USP13: variants seen among roughly 807,000 people sequenced by gnomAD.
The protein encoded by USP13 is ubiquitin carboxyl-terminal hydrolase 13.
A neutral mutation model predicts 107.8 loss-of-function variants in USP13; 68 were observed. The observed-to-expected ratio is 0.63, with a 90% CI of 0.52 to 0.77. The LOEUF (loss-of-function observed/expected upper bound fraction) is 0.77. Among genes scored for constraint, USP13 ranks in the 30% least tolerant of loss-of-function variants. The pLI, the probability that USP13 is intolerant of heterozygous loss-of-function variation, is 0.00. For missense variants in USP13, 945 were observed against 1,093.3 expected (o/e 0.86, Z 1.91); for synonymous variants, 377 against 389.5 (o/e 0.97, Z 0.38).
intron 15 of USP13, among the ~76,000 whole-genome samples, chr3:179,755,348 G>A (rs1376259207): frequency 6.6e-6 from 1 of 151,926 alleles, no homozygotes; most frequent in African/African-American, 2.4e-5. Flanking sequence ...AGGCTGGAGT[G>A]CAGTGGCACG....
chr3:179,739,519 G>A (rs1407763680), intron 10 of USP13, among the ~76,000 whole-genome samples: 1 of 152,164 alleles, frequency 6.6e-6, no homozygotes, highest in African/African-American at 2.4e-5. Context: ...GAAGGGAAGG[G>A]GAGATGCTGC....
At chr3:179,722,749 A>G (rs1713369758) in intron 8 of USP13, among the ~76,000 whole-genome samples, 1 of 152,166 alleles carries the variant, frequency 6.6e-6, no homozygotes, top group African/African-American at 2.4e-5. Flanking sequence ...TTCTACTTAT[A>G]CTTTTTTACC....
rs567961452 is a variant in USP13, at chr3:179,677,719, C to T, written c.169-4159C>T. Among the ~76,000 whole-genome samples the T allele has an allele frequency of 3.3e-5, 5 of 152,088 alleles. No individual in the cohort carries two copies. The South Asian group carries it at 1.0e-3, about 31-fold the overall frequency. On this transcript the variant is annotated intron_variant, in intron 1 of 20. Coordinates refer to ENST00000263966, the MANE Select transcript of USP13 (RefSeq NM_003940.3). ...GGATATAGAGTATTTCTATATTTTT[C>T]TTTAGAAAAATACTGTCCTTGAACA...
At chr3:179,705,240 G>A (rs1456372234) in intron 4 of USP13, among the ~76,000 whole-genome samples, 2 of 152,124 alleles carry the variant, frequency 1.3e-5, no homozygotes, top group African/African-American at 2.4e-5. Context: ...GCTACTCAGG[G>A]GAAAATGATC....
chr3:179,768,244 A>C (rs930781245), intron 19 of USP13, among the ~76,000 whole-genome samples: 2 of 152,208 alleles, frequency 1.3e-5, no homozygotes, highest in African/African-American at 4.8e-5. Flanking sequence ...TTGGCTGCAG[A>C]GGGAAGGCGG....
intron 2 of USP13, among the ~76,000 whole-genome samples, chr3:179,683,650 C>T (rs1038757778): frequency 6.6e-6 from 1 of 152,144 alleles, no homozygotes; most frequent in Non-Finnish European, 1.5e-5. Flanking sequence ...AAAGACCCGC[C>T]CCCATAATTC....
chr3:179,763,890 C>T (rs1361767211), intron 17 of USP13, 112 bp from the exon 18 acceptor site: 1 of 1,367,506 alleles, frequency 7.3e-7, no homozygotes, highest in Admixed American at 3.0e-5. Flanking sequence ...CTGGCCCAGA[C>T]TGTCTTGATT....
At chr3:179,706,871 T>G in intron 4 of USP13, 63 bp from the exon 5 acceptor site, 4 of 1,526,114 alleles carry the variant, frequency 2.6e-6, no homozygotes, top group Non-Finnish European at 3.5e-6. Flanking sequence ...AATTTGCTAT[T>G]CACTAGCAAA....
chr3:179,758,872 C>T (rs1448463497), intron 16 of USP13, among the ~76,000 whole-genome samples: 1 of 152,100 alleles, frequency 6.6e-6, no homozygotes, highest in Non-Finnish European at 1.5e-5. Flanking sequence ...ATGGAGTAGG[C>T]AGAAGAATCA....
rs1186020425 is a variant in USP13 at position 179,708,963 on chromosome 3, T to G, written c.805+6T>G. 1 of 1,612,346 alleles carries G rather than the reference T, an allele frequency of 6.2e-7. No individual in the cohort carries two copies. Among genetic ancestry groups the G allele is most frequent in the Non-Finnish European group, 8.5e-7 (1 of 1,179,048 alleles). On this transcript the variant is annotated splice_donor_region_variant and intron_variant, in intron 6 of 20. Transcript: ENST00000263966. ...CATCACTCCTGACGGGGCAGGTGAG[T>G]GCGCCTTTACCGACTTTGGGAACAT...
At chr3:179,718,866 C>T (rs1576949273) in intron 6 of USP13, among the ~76,000 whole-genome samples, 1 of 152,052 alleles carries the variant, frequency 6.6e-6, no homozygotes, top group African/African-American at 2.4e-5. Context: ...ACGCCATTCT[C>T]CTGCCTCAGC....
At chr3:179,722,566 G>A (rs577153104) in intron 8 of USP13, among the ~76,000 whole-genome samples, 13 of 152,036 alleles carry the variant, frequency 8.6e-5, no homozygotes, top group Non-Finnish European at 1.3e-4. Context: ...ATACAGGTAC[G>A]CAATGTGTAA....
chr3:179,747,778 C>T (rs772834812), intron 13 of USP13, among the ~76,000 whole-genome samples: 5 of 152,204 alleles, frequency 3.3e-5, no homozygotes, highest in African/African-American at 1.2e-4. Flanking sequence ...AAATGATGCT[C>T]TCCTGAATTT....
At chr3:179,774,357 T>A (rs1419194795) in intron 19 of USP13, among the ~76,000 whole-genome samples, 1 of 152,058 alleles carries the variant, frequency 6.6e-6, no homozygotes, top group African/African-American at 2.4e-5. Context: ...TCCCTGTGAG[T>A]GTTACAGTTC....
Position 179,721,255 on chromosome 3 carries a change from T to C in USP13, c.901-147T>C. On this transcript the variant is annotated intron_variant, in intron 7 of 20. Coordinates refer to ENST00000263966, the MANE Select transcript of USP13 (RefSeq NM_003940.3). The surrounding 1 kb of genome is among the most constrained non-coding windows in gnomAD (Gnocchi z 4.3). The stretch of plus-strand genomic sequence containing the variant: ...TTGTGCCACCATCACCGTCTCTCAG[T>C]CTTTTTTATTTGCATTGTTTATTTC... 1.2e-6 allele frequency: 1 copy of C among 802,714 alleles called. No homozygotes were observed. The highest frequency in any genetic ancestry group is 1.9e-6 in the Non-Finnish European group (1 of 519,810). The allele number at this position is 802,714 out of a possible 1,614,324, so 49.7% of individuals were successfully genotyped here.
At chr3:179,688,154 T>TCC (rs1711954120) in intron 2 of USP13, among the ~76,000 whole-genome samples, 3 of 58,440 alleles carry the variant, frequency 5.1e-5, no homozygotes, top group Admixed American at 1.9e-4. Flanking sequence ...TCCATCCGTA[T>TCC]ATCCATCCAT....
chr3:179,657,226 A>C (rs1720291397), intron 1 of USP13, among the ~76,000 whole-genome samples: 1 of 152,166 alleles, frequency 6.6e-6, no homozygotes, highest in African/African-American at 2.4e-5. Flanking sequence ...GCTTTAAAAA[A>C]GGAGGAAAGG....
intron 4 of USP13, among the ~76,000 whole-genome samples, chr3:179,702,558 TG>T (rs1329123625): frequency 8.5e-5 from 13 of 152,224 alleles, no homozygotes; most frequent in Admixed American, 7.2e-4. Flanking sequence ...CATTTGTGCT[TG>T]GGGTTTCCAT....
chr3:179,676,717 G>A (rs1711502775), intron 1 of USP13, among the ~76,000 whole-genome samples: 2 of 152,198 alleles, frequency 1.3e-5, no homozygotes, highest in Admixed American at 1.3e-4. Flanking sequence ...TGTTCTATAT[G>A]TGACAGGTTT....
Sources: gnomAD v4.1 joint callset for allele counts (sites outside exome capture counted in the v4.1 genomes callset) on GRCh38, gnomAD v4.1.1 for gene constraint, Gnocchi (gnomAD v3.1) non-coding constraint, MANE v1.5 for transcripts, NCBI Gene and HGNC (gene_info 2026-07-23, HGNC 2026-07-21) for gene names.